Variants in ZFAND3 observed in about 807,000 individuals in gnomAD.
ZFAND3 encodes the protein zinc finger AN1-type containing 3.
Under a neutral mutation model 29.6 loss-of-function variants are expected in ZFAND3, and 10 were observed. That is an observed-to-expected ratio of 0.34 (90% CI 0.21 to 0.57). The LOEUF is 0.57. Among genes scored for constraint, ZFAND3 ranks in the 20% least tolerant of loss-of-function variants. The probability of loss-of-function intolerance (pLI) is 0.86; values close to 1 mark genes in which losing one functional copy is unlikely to be tolerated. For synonymous variants in ZFAND3, 128 were observed against 112.6 expected, an observed-to-expected ratio of 1.14 and a Z score of -0.87; for missense variants, 230 against 304.5, an observed-to-expected ratio of 0.76 and a Z score of 1.82.
chr6:37,873,724 C>T (rs1297968348), intron 1 of ZFAND3, among the ~76,000 whole-genome samples: 1 of 152,152 alleles, frequency 6.6e-6, no homozygotes, highest in Non-Finnish European at 1.5e-5. Flanking sequence ...AGTAGTTTTT[C>T]TCAGATTGGC....
intron 2 of ZFAND3, among the ~76,000 whole-genome samples, chr6:37,993,211 A>G (rs538147443): frequency 3.3e-5 from 5 of 152,314 alleles, no homozygotes; most frequent in African/African-American, 9.6e-5. Context: ...TTAATAGCCT[A>G]TGTCACATTT....
chr6:38,110,542 T>C (rs888804079), intron 4 of ZFAND3, among the ~76,000 whole-genome samples: 1 of 152,138 alleles, frequency 6.6e-6, no homozygotes, highest in Non-Finnish European at 1.5e-5. Context: ...TTTTAAGTGG[T>C]CGAAGGAGAA....
intron 3 of ZFAND3, among the ~76,000 whole-genome samples, chr6:38,079,749 A>AT (rs1295651060): frequency 6.6e-6 from 1 of 152,180 alleles, no homozygotes; most frequent in African/African-American, 2.4e-5. Context: ...GTAATCAGAA[A>AT]TTAGAAATGA....
chr6:38,044,728 C>T (rs1166369003), intron 2 of ZFAND3, among the ~76,000 whole-genome samples: 5 of 152,108 alleles, frequency 3.3e-5, no homozygotes, highest in African/African-American at 9.7e-5. Flanking sequence ...CAGAGCTAAG[C>T]GAAATGGTAA....
intron 2 of ZFAND3, among the ~76,000 whole-genome samples, chr6:38,039,127 T>C (rs917026583): frequency 6.6e-6 from 1 of 152,216 alleles, no homozygotes; most frequent in Non-Finnish European, 1.5e-5. Context: ...ATCTCTTCTC[T>C]GTATTTCTTT....
At chr6:37,909,387 CT>C (rs1377370341) in intron 1 of ZFAND3, among the ~76,000 whole-genome samples, 6 of 151,136 alleles carry the variant, frequency 4.0e-5, no homozygotes, top group Non-Finnish European at 4.4e-5. Context: ...TCAAGTGAGT[CT>C]CCTGCCTCAG....
chr6:37,820,585 G>A (rs1763648100), intron 1 of ZFAND3, among the ~76,000 whole-genome samples: 1 of 152,350 alleles, frequency 6.6e-6, no homozygotes, highest in Non-Finnish European at 1.5e-5. Context: ...CTGGGGTAAA[G>A]TTATAAGATT....
At chr6:38,107,438 T>TA (rs1346845080) in intron 4 of ZFAND3, among the ~76,000 whole-genome samples, 7 of 152,214 alleles carry the variant, frequency 4.6e-5, no homozygotes, top group East Asian at 1.9e-4. Flanking sequence ...CTTCTTTACT[T>TA]ACGCCAGTCC....
intron 2 of ZFAND3, among the ~76,000 whole-genome samples, chr6:38,004,046 C>T (rs1402160646): frequency 1.3e-5 from 2 of 152,128 alleles, no homozygotes; most frequent in Admixed American, 1.3e-4. Flanking sequence ...ATGGCCAAAT[C>T]CCATTATCCA....
intron 2 of ZFAND3, among the ~76,000 whole-genome samples, chr6:37,964,443 G>A (rs867066518): frequency 3.3e-5 from 5 of 152,200 alleles, no homozygotes; most frequent in African/African-American, 1.2e-4. Context: ...CTTTGGTTGT[G>A]CAGGTTGAAG....
At chr6:38,024,623 G>A (rs2645112) in intron 2 of ZFAND3, among the ~76,000 whole-genome samples, 148,383 of 152,354 alleles carry the variant, frequency 0.97, 72,395 homozygotes, top group East Asian at 1. Flanking sequence ...ACTCTGCCAT[G>A]AAAAGGTATG....
At chr6:38,048,500 T>C (rs1352134011) in intron 2 of ZFAND3, among the ~76,000 whole-genome samples, 1 of 151,364 alleles carries the variant, frequency 6.6e-6, no homozygotes, top group Non-Finnish European at 1.5e-5. Flanking sequence ...CAGGCACCTA[T>C]AGTCCGAGCT....
chr6:38,117,032 T>C (rs1297529336), intron 5 of ZFAND3, among the ~76,000 whole-genome samples: 1 of 152,136 alleles, frequency 6.6e-6, no homozygotes, highest in African/African-American at 2.4e-5. Flanking sequence ...CCCCCACCAC[T>C]TACTACTCTG....
intron 2 of ZFAND3, among the ~76,000 whole-genome samples, chr6:38,028,937 A>T (rs1229426977): frequency 3.9e-5 from 6 of 152,142 alleles, no homozygotes; most frequent in Admixed American, 2.0e-4. Context: ...TGTTTTAATG[A>T]CTTCTGATTA....
intron 5 of ZFAND3, among the ~76,000 whole-genome samples, chr6:38,149,642 C>A (rs1003781116): frequency 5.8e-4 from 89 of 152,172 alleles, no homozygotes; most frequent in Non-Finnish European, 1.8e-4. Flanking sequence ...CTGGGGCTCT[C>A]ACATCCACCA....
At chr6:38,024,680 T>G (rs867753863) in intron 2 of ZFAND3, among the ~76,000 whole-genome samples, 1 of 152,120 alleles carries the variant, frequency 6.6e-6, no homozygotes, top group Non-Finnish European at 1.5e-5. Context: ...TCAAAAACAT[T>G]TATGTCAAGT....
intron 1 of ZFAND3, among the ~76,000 whole-genome samples, chr6:37,830,127 A>G (rs1232657346): frequency 2.0e-5 from 3 of 152,214 alleles, no homozygotes; most frequent in Non-Finnish European, 2.9e-5. Flanking sequence ...TAGGGACAGG[A>G]AGAGTAGACT....
chr6:38,054,955 G>T (rs1381947144), intron 2 of ZFAND3, among the ~76,000 whole-genome samples: 1 of 152,126 alleles, frequency 6.6e-6, no homozygotes, highest in Admixed American at 6.6e-5. Flanking sequence ...AAGTTTTGCG[G>T]TTGAGATGGG....
chr6:37,885,886 G>C (rs963913271), intron 1 of ZFAND3, among the ~76,000 whole-genome samples: 2 of 151,882 alleles, frequency 1.3e-5, no homozygotes, highest in Admixed American at 6.6e-5. Context: ...GGGATTACAC[G>C]TGTGAGCCCA....
Sources: allele counts gnomAD v4.1 joint callset (sites outside exome capture counted in the v4.1 genomes callset), GRCh38; gene constraint gnomAD v4.1.1; transcripts MANE v1.5; gene names NCBI Gene and HGNC (gene_info 2026-07-23, HGNC 2026-07-21).